The following USP36 variants were observed in gnomAD, a reference collection of about 807,000 sequenced individuals.
USP36 encodes the protein ubiquitin specific peptidase 36, also known as ubiquitin carboxyl-terminal hydrolase 36.
A neutral mutation model predicts 111.5 loss-of-function variants in USP36; 59 were observed. The observed-to-expected ratio is 0.53, with a 90% CI of 0.43 to 0.66. The LOEUF (loss-of-function observed/expected upper bound fraction) is 0.66, where lower values mean the gene tolerates loss of function less well. USP36 is among the 30% of genes least tolerant of loss of function. USP36 has a pLI of 0.00. For synonymous variants in USP36, 628 were observed against 581.0 expected (o/e 1.08, Z -1.16); for missense variants, 1,488 against 1,468.0 (o/e 1.01, Z -0.22).
rs369774514 is a variant in USP36, at chr17:78,815,848, CATAT to C, written c.1024-1300_1024-1297del. ...GCACACATATATACATACACACACA[CATAT>C]GCATGCATACACATGTACGCATATA... is the stretch of plus-strand genomic sequence containing the variant. On this transcript the variant is annotated intron_variant, in intron 10 of 20. Coordinates refer to ENST00000449938, the MANE Select transcript of USP36 (RefSeq NM_001385174.1). Among the ~76,000 whole-genome samples, 790 of 135,488 alleles carry C rather than the reference CATAT, an allele frequency of 5.8e-3. 23 individuals are homozygous for C. In the East Asian group the frequency reaches 0.093, roughly 16 times the overall value. The allele number at this position is 135,488 out of a possible 152,430, so 88.9% of individuals were successfully genotyped here. A position where few individuals can be genotyped will look rare whatever the true frequency, so the allele number is the denominator to read the frequency against.
rs1195525371 is a variant in USP36, at chr17:78,838,371, C to CAAAAA, written c.-10+211_-10+215dup. ...TGGGCAACAGAGCAAGACTTGGTCT[C>CAAAAA]AAAAAAAAAAAAAAACAAAAAACAA... is the stretch of plus-strand genomic sequence containing the variant. On this transcript the variant is annotated intron_variant, in intron 2 of 20. Coordinates refer to ENST00000449938, the MANE Select transcript of USP36 (RefSeq NM_001385174.1). 3.5e-3 allele frequency among the ~76,000 whole-genome samples: 204 copies of CAAAAA among 58,446 alleles called. 4 individuals carry two copies. The highest frequency in any genetic ancestry group is 0.011 in the African/African-American group (186 of 17,324). The allele number at this position is 58,446 out of a possible 152,430, so 38.3% of individuals were successfully genotyped here.
chr17:78,832,040 G>C (rs988225189), intron 4 of USP36, among the ~76,000 whole-genome samples: 1 of 151,356 alleles, frequency 6.6e-6, no homozygotes, highest in East Asian at 1.9e-4. Flanking sequence ...CAATATATGA[G>C]ATTAATTTAA....
chr17:78,820,337 C>A (rs1203571564), intron 8 of USP36, among the ~76,000 whole-genome samples: 1 of 152,086 alleles, frequency 6.6e-6, no homozygotes. Context: ...ATTAGCCAGG[C>A]GTGGTGGTGC....
chr17:78,803,584 T>G lies in USP36; in HGVS notation c.2611A>C (p.Ser871Arg). The G allele has an allele frequency of 6.2e-7, 1 of 1,613,136 alleles. No homozygotes were observed. Among genetic ancestry groups the G allele is most frequent in the African/African-American group, 1.3e-5 (1 of 75,040 alleles). The change falls in exon 16 of 21, where the codon AGC becomes CGC. Residue 871 changes from serine to arginine, a missense_variant. Transcript: ENST00000449938. The surrounding 1 kb of genome is among the most constrained non-coding windows in gnomAD (Gnocchi z 4.6). ...QEGQTQRQPG[S>R]PMYRREGQAQ... The stretch of plus-strand genomic sequence containing the variant: ...TGGCCCTCCCTCCTGTACATGGGGC[T>G]CCCAGGCTGTCTCTGTGTCTGCCCC...
At chr17:78,814,363 G>A in intron 11 of USP36, 49 bp downstream of exon 11, 2 of 1,607,206 alleles carry the variant, frequency 1.2e-6, no homozygotes, top group South Asian at 1.1e-5. Flanking sequence ...ATGTGCATGG[G>A]TGCTGAAACC....
chr17:78,822,745 T>C (rs1396435464), intron 6 of USP36, among the ~76,000 whole-genome samples: 2 of 152,188 alleles, frequency 1.3e-5, no homozygotes, highest in African/African-American at 4.8e-5. Flanking sequence ...ACATCCAGTC[T>C]CTGCTCCTGG....
intron 13 of USP36, among the ~76,000 whole-genome samples, chr17:78,811,616 T>C (rs2094057834): frequency 6.6e-6 from 1 of 152,090 alleles, no homozygotes; most frequent in Non-Finnish European, 1.5e-5. Context: ...ACGTCTGTAA[T>C]CCCAGCACTT....
intron 11 of USP36, among the ~76,000 whole-genome samples, 168 bp downstream of exon 11, chr17:78,814,244 T>C (rs2094131422): frequency 1.3e-5 from 2 of 152,316 alleles, no homozygotes; most frequent in South Asian, 4.1e-4. Flanking sequence ...AACACTTCTG[T>C]AAAGGGCATC....
chr17:78,797,359 G>C lies in USP36; in HGVS notation c.*541C>G, dbSNP rs567645049. 6.6e-6 allele frequency: 1 copy of C among 152,394 alleles called. No homozygotes were observed. Among genetic ancestry groups the C allele is most frequent in the Admixed American group, 6.5e-5 (1 of 15,304 alleles). The allele number at this position is 152,394 out of a possible 1,614,324, so 9.4% of individuals were successfully genotyped here. ...TAAAAGGGAGAGGTGGCTGGGTGGG[G>C]TCACCTCTTCCTTTCTGAGGACAGG... On this transcript the variant is annotated 3_prime_UTR_variant, in exon 21 of 21. Coordinates refer to ENST00000449938, the MANE Select transcript of USP36 (RefSeq NM_001385174.1).
chr17:78,815,320 G>GACTCCATCTCAAA (rs1298707042), intron 10 of USP36, among the ~76,000 whole-genome samples: 8 of 152,158 alleles, frequency 5.3e-5, no homozygotes, highest in Non-Finnish European at 1.2e-4. Flanking sequence ...AACAGAGCGA[G>GACTCCATCTCAAA]ACTCCATCTC....
chr17:78,798,190 T>G lies in USP36; in HGVS notation c.*20+210A>C. 1.7e-6 allele frequency: 1 copy of G among 583,580 alleles called. No individual in the cohort carries two copies. The allele number at this position is 583,580 out of a possible 1,614,324, so 36.2% of individuals were successfully genotyped here. A position where few individuals can be genotyped will look rare whatever the true frequency, so the allele number is the denominator to read the frequency against. On this transcript the variant is annotated intron_variant, in intron 20 of 20. Transcript: ENST00000449938. The surrounding 1 kb of genome is among the most constrained non-coding windows in gnomAD (Gnocchi z 5.1). ...CACACGCATCCCACACACACCCCCT[T>G]ATACACACGCATCCCACACACACCC...
intron 11 of USP36, 45 bp from the exon 12 acceptor site, chr17:78,813,918 C>T (rs771195274): frequency 1.3e-6 from 2 of 1,541,950 alleles, no homozygotes; most frequent in Non-Finnish European, 1.8e-6. Flanking sequence ...AATCAACAAG[C>T]ATCCCATTAT....
intron 6 of USP36, chr17:78,823,183 T>G: frequency 2.5e-6 from 1 of 398,664 alleles, no homozygotes; most frequent in African/African-American, 2.1e-5. Context: ...CAATTTTTAT[T>G]CTGCAAAGTT....
At chr17:78,833,480 C>G (rs1176885362) in intron 4 of USP36, among the ~76,000 whole-genome samples, 1 of 152,018 alleles carries the variant, frequency 6.6e-6, no homozygotes, top group Non-Finnish European at 1.5e-5. Context: ...TCCCTCTTTG[C>G]GGGCTGCTAC....
At chr17:78,792,102 G>A (rs1215448693), downstream of USP36, 1 of 152,478 alleles carries the variant, frequency 6.6e-6, no homozygotes, top group African/African-American at 2.4e-5. Flanking sequence ...TCGGTGGCAA[G>A]AGTGGGAATT....
At chr17:78,836,679 A>G (rs1326251977) in intron 2 of USP36, among the ~76,000 whole-genome samples, 1 of 152,160 alleles carries the variant, frequency 6.6e-6, no homozygotes, top group Non-Finnish European at 1.5e-5. Flanking sequence ...ATACTCATCA[A>G]GTGGCTCTGG....
At chr17:78,805,672 G>T (rs2093878944) in intron 15 of USP36, among the ~76,000 whole-genome samples, 1 of 152,224 alleles carries the variant, frequency 6.6e-6, no homozygotes, top group Non-Finnish European at 1.5e-5. Context: ...TGCATCTCTG[G>T]CAGGTGTCTG....
chr17:78,812,994 C>T lies in USP36; in HGVS notation c.1273G>A (p.Gly425Ser). Residue 425 changes from glycine (G) to serine (S), a missense_variant, in exon 13 of 21, where the codon GGC becomes AGC. By Grantham distance (56) the Gly-to-Ser change is moderately conservative. This residue lies in a region of USP36 where 1,073 missense variants were observed against 994.1 expected (regional missense o/e 1.08). Coordinates refer to ENST00000449938, the MANE Select transcript of USP36 (RefSeq NM_001385174.1). ...AGGCCCTCGGGACTTTTCTTAGAGC[C>T]TGGAATTCTGTCAAAGGAAGAAAAC... ...AYVLFYLRIP[G>S]SKKSPEGLIS... The T allele has an allele frequency of 6.2e-7, 1 of 1,613,996 alleles. No homozygotes were observed. The highest frequency in any genetic ancestry group is 1.1e-5 in the South Asian group (1 of 91,076).
In USP36 at chr17:78,806,978, A is replaced by G. The variant is rs369603546; in HGVS notation, c.2066T>C (p.Leu689Pro). ...STMSPPPAKK[L>P]ALSAKKASTL... ...ACCCACCTTCTTGGCAGAAAGGGCC[A>G]GTTTTTTGGCTGGTGGAGGAGACAT... The change falls in exon 14 of 21, where the codon CTG becomes CCG. Residue 689 changes from leucine (L) to proline (P), a missense_variant. Transcript: ENST00000449938. The G allele has an allele frequency of 3.1e-6, 5 of 1,613,968 alleles. No individual in the cohort carries two copies. Among genetic ancestry groups the G allele is most frequent in the Admixed American group, 1.7e-5 (1 of 59,998 alleles).
Sources: allele counts gnomAD v4.1 joint callset (sites outside exome capture counted in the v4.1 genomes callset), GRCh38; gene constraint gnomAD v4.1.1; regional missense constraint gnomAD v4.1.1; non-coding constraint Gnocchi (gnomAD v3.1); transcripts MANE v1.5; gene names NCBI Gene and HGNC (gene_info 2026-07-23, HGNC 2026-07-21).